The following SIDT1 variants were observed in gnomAD, a reference collection of about 807,000 sequenced individuals.
The protein encoded by SIDT1 is SID1 transmembrane family, member 1.
A neutral mutation model predicts 107.5 loss-of-function variants in SIDT1; 101 were observed. That is an observed-to-expected ratio of 0.94 (90% CI 0.80 to 1.11). The LOEUF (loss-of-function observed/expected upper bound fraction) is 1.11, where lower values mean the gene tolerates loss of function less well. Among genes scored for constraint, SIDT1 ranks in the 50% least tolerant of loss-of-function variants. The pLI is 0.00. For synonymous variants in SIDT1, 395 were observed against 398.2 expected (o/e 0.99, Z 0.10); for missense variants, 1,076 against 1,058.2 (o/e 1.02, Z -0.23).
chr3:113,609,190 G>A (rs2107712896), intron 17 of SIDT1, among the ~76,000 whole-genome samples: 1 of 150,004 alleles, frequency 6.7e-6, no homozygotes, highest in South Asian at 2.1e-4. Context: ...AGCCTCCCCA[G>A]TAGCTGGGAC....
Position 113,539,212 on chromosome 3 carries a change from C to T in SIDT1, c.222+5969C>T, listed in dbSNP as rs555838308. The stretch of plus-strand genomic sequence containing the variant: ...TCAATGAGATTTTACTTAGCATAAT[C>T]ATGAGCTTATGCATTTAAACATATC... On this transcript the variant is annotated intron_variant, in intron 1 of 24. Coordinates refer to ENST00000264852, the MANE Select transcript of SIDT1 (RefSeq NM_017699.3). 2.0e-5 allele frequency among the ~76,000 whole-genome samples: 3 copies of T among 152,278 alleles called. No homozygotes were observed. In the East Asian group the frequency reaches 5.8e-4, roughly 29 times the overall value.
intron 1 of SIDT1, among the ~76,000 whole-genome samples, chr3:113,560,885 G>A (rs1941369215): frequency 6.6e-6 from 1 of 152,084 alleles, no homozygotes; most frequent in South Asian, 2.1e-4. Context: ...GAGTCTCTAA[G>A]CTTTAAGACC....
chr3:113,612,060 A>T (rs1467334666), intron 18 of SIDT1, 26 bp from the exon 19 acceptor site: 2 of 1,529,986 alleles, frequency 1.3e-6, no homozygotes, highest in South Asian at 2.2e-5. Context: ...ACCTCAGATG[A>T]AGGTAACTTC....
intron 10 of SIDT1, among the ~76,000 whole-genome samples, 167 bp downstream of exon 10, chr3:113,593,215 C>A (rs1486635824): frequency 6.6e-6 from 1 of 152,114 alleles, no homozygotes; most frequent in East Asian, 1.9e-4. Context: ...TAGTGAAAAC[C>A]AATTCTATAG....
intron 1 of SIDT1, among the ~76,000 whole-genome samples, chr3:113,545,143 T>TAAAAA (rs1939445256): frequency 9.0e-6 from 1 of 110,616 alleles, no homozygotes; most frequent in Non-Finnish European, 1.8e-5. Context: ...AAAAAAAAAG[T>TAAAAA]CATTCGTGAA....
chr3:113,626,056 T>G (rs1328761809), intron 23 of SIDT1, 46 bp from the exon 24 acceptor site: 1 of 1,317,886 alleles, frequency 7.6e-7, no homozygotes, highest in African/African-American at 1.4e-5. Flanking sequence ...CTTTGAACAG[T>G]TGAACTGTGG....
rs142407039 is a variant in SIDT1, at chr3:113,601,742, C to A, written c.1117+83C>A. 1.0e-3 allele frequency: 977 copies of A among 930,790 alleles called. 7 individuals carry two copies. In the African/African-American group the frequency reaches 0.013, roughly 13 times the overall value. The allele number at this position is 930,790 out of a possible 1,614,324, so 57.7% of individuals were successfully genotyped here. A position where few individuals can be genotyped will look rare whatever the true frequency, so the allele number is the denominator to read the frequency against. ...AGAAAGGCATTCCAGCCACTAATAACTGGGAATGTGGGCAAAGCAGCTATC... is the reference window on the plus strand; with the variant it reads ...AGAAAGGCATTCCAGCCACTAATAAATGGGAATGTGGGCAAAGCAGCTATC... On this transcript the variant is annotated intron_variant, in intron 11 of 24. Transcript: ENST00000264852.
intron 18 of SIDT1, among the ~76,000 whole-genome samples, chr3:113,611,788 C>T (rs756471166): frequency 6.6e-6 from 1 of 152,184 alleles, no homozygotes. Flanking sequence ...ATGGGAAACA[C>T]GTGTTGCCTG....
At chr3:113,557,769 T>C (rs1489937056) in intron 1 of SIDT1, among the ~76,000 whole-genome samples, 1 of 152,202 alleles carries the variant, frequency 6.6e-6, no homozygotes, top group Non-Finnish European at 1.5e-5. Flanking sequence ...TACTTTGTGG[T>C]ACCTTGTTAC....
chr3:113,603,085 G>A lies in SIDT1; in HGVS notation c.1198G>A (p.Val400Met), dbSNP rs1170287217. 4 of 1,614,004 alleles carry A rather than the reference G, an allele frequency of 2.5e-6. No homozygotes were observed. Among genetic ancestry groups the A allele is most frequent in the Non-Finnish European group, 3.4e-6 (4 of 1,180,002 alleles). Reference sequence around the variant, plus strand: ...GGGCCAGTCAGACACAGACAGCTCCGTGGAGGAGAGCGACTTCGACACCAT... The same window carrying A: ...GGGCCAGTCAGACACAGACAGCTCCATGGAGGAGAGCGACTTCGACACCAT... The part of the protein sequence containing the change: ...PPGQSDTDSS[V>M]EESDFDTMPD... The change falls in exon 12 of 25, where the codon GTG (valine) becomes ATG (methionine). Residue 400 changes from valine (V) to methionine (M), a missense_variant. By Grantham distance (21) the Val-to-Met change is conservative. Coordinates refer to ENST00000264852, the MANE Select transcript of SIDT1 (RefSeq NM_017699.3).
intron 8 of SIDT1, 115 bp from the exon 9 acceptor site, chr3:113,585,062 T>G (rs1943641795): frequency 3.9e-6 from 3 of 764,400 alleles, no homozygotes; most frequent in African/African-American, 1.7e-5. Context: ...GAACAAAAAT[T>G]TATTAGGACC....
rs948969375 is a variant in SIDT1, at chr3:113,581,373, G to T, written c.676G>T (p.Asp226Tyr). The change falls in exon 6 of 25, where the codon GAT (aspartate) becomes TAT (tyrosine). Residue 226 changes from aspartate (D) to tyrosine (Y), a missense_variant. Physicochemically the swap from Asp to Tyr is radical, Grantham distance 160. Coordinates refer to ENST00000264852, the MANE Select transcript of SIDT1 (RefSeq NM_017699.3). ...SVQNIMCPVY[D>Y]LDHNVEFNGV... Reference sequence around the variant, plus strand: ...ATGCATGCTGCAGTGCCCGGTGTATGATCTCGACCACAATGTGGAATTTAA... The same window carrying T: ...ATGCATGCTGCAGTGCCCGGTGTATTATCTCGACCACAATGTGGAATTTAA... The T allele has an allele frequency of 3.1e-6, 5 of 1,613,494 alleles. No individual in the cohort carries two copies. The East Asian group carries it at 8.9e-5, about 29-fold the overall frequency.
rs73853730 is a variant in SIDT1 at position 113,583,444 on chromosome 3, A to G, written c.783A>G (p.Val261=). The G allele has an allele frequency of 4.3e-3, 6,855 of 1,599,664 alleles. 55 individuals are homozygous for G. The highest frequency in any genetic ancestry group is 0.028 in the African/African-American group (2,084 of 74,894). ...TTCCAGGCGAGCAGTTCTTCGTGGT[A>G]TTTGTGATAAAGCCTGAAGATTATG... is the stretch of plus-strand genomic sequence containing the variant. ...KDFPGEQFFV[V]FVIKPEDYAC... The change falls in exon 7 of 25, where the codon GTA becomes GTG. Residue 261 remains valine, a synonymous_variant. Coordinates refer to ENST00000264852, the MANE Select transcript of SIDT1 (RefSeq NM_017699.3).
intron 2 of SIDT1, among the ~76,000 whole-genome samples, 185 bp downstream of exon 2, chr3:113,566,726 G>A (rs919788697): frequency 5.9e-5 from 9 of 152,164 alleles, no homozygotes; most frequent in Admixed American, 1.3e-4. Context: ...TCAATTATTA[G>A]ATGAGCACTC....
intron 19 of SIDT1, chr3:113,612,479 C>G (rs554549383): frequency 3.5e-5 from 18 of 510,810 alleles, no homozygotes; most frequent in African/African-American, 2.7e-4. Flanking sequence ...ACTTTACAGT[C>G]TGCCAAACTT....
In SIDT1 at chr3:113,601,361, C is replaced by T; in HGVS notation, c.1046-227C>T. The T allele has an allele frequency of 1.3e-5, 5 of 383,616 alleles. No homozygotes were observed. In the South Asian group the frequency reaches 2.4e-4, roughly 18 times the overall value. The allele number at this position is 383,616 out of a possible 1,614,324, so 23.8% of individuals were successfully genotyped here. ...ACATTATTCTTCTTTGGATTTTTTC[C>T]CCAGTCATTTAAAGGTTTGAAAACT... On this transcript the variant is annotated intron_variant, in intron 10 of 24. Coordinates refer to ENST00000264852, the MANE Select transcript of SIDT1 (RefSeq NM_017699.3).
At position 113,611,266 on chromosome 3, in the gene SIDT1, A is replaced by T. The variant is rs920862687; in HGVS notation, c.1857+122A>T. On this transcript the variant is annotated intron_variant, in intron 18 of 24. Transcript: ENST00000264852. Reference sequence around the variant, plus strand: ...AATCCTCAGTTCATGACACAATTTCATCTCATGACACAATTTCATCTCATG... The same window carrying T: ...AATCCTCAGTTCATGACACAATTTCTTCTCATGACACAATTTCATCTCATG... 2.7e-6 allele frequency: 3 copies of T among 1,130,524 alleles called. No individual in the cohort carries two copies. In the Admixed American group the frequency reaches 7.1e-5, roughly 27 times the overall value. The allele number at this position is 1,130,524 out of a possible 1,614,324, so 70.0% of individuals were successfully genotyped here.
intron 3 of SIDT1, among the ~76,000 whole-genome samples, chr3:113,574,063 A>T (rs573353614): frequency 2.6e-5 from 4 of 152,340 alleles, no homozygotes. Context: ...ATGGCGATCC[A>T]GGGAAAAGGG....
chr3:113,539,793 A>C (rs1254505527), intron 1 of SIDT1, among the ~76,000 whole-genome samples: 1 of 152,190 alleles, frequency 6.6e-6, no homozygotes, highest in Non-Finnish European at 1.5e-5. Flanking sequence ...ACCTGAGGTC[A>C]TGAGTTCGAG....
Sources: allele counts gnomAD v4.1 joint callset (sites outside exome capture counted in the v4.1 genomes callset), GRCh38; gene constraint gnomAD v4.1.1; transcripts MANE v1.5; gene names NCBI Gene and HGNC (gene_info 2026-07-23, HGNC 2026-07-21).